The following ENTREP2 variants were observed in gnomAD, a reference collection of about 807,000 sequenced individuals.
The protein encoded by ENTREP2 is endosomal transmembrane epsin interactor 2, also known as protein ENTREP2.
the ENTREP2 span, among the ~76,000 whole-genome samples, chr15:29,642,552 C>T: frequency 6.8e-6 from 1 of 147,124 alleles, no homozygotes; most frequent in Non-Finnish European, 1.5e-5. Flanking sequence ...TACATATATA[C>T]ACATATATAT....
chr15:29,287,398 G>GAAAAAAAAAAAAAAAAAAAAAAAAAAAA, the ENTREP2 span, among the ~76,000 whole-genome samples: 1 of 124,146 alleles, frequency 8.1e-6, no homozygotes, highest in Non-Finnish European at 1.6e-5. Context: ...AAAAAAAAAA[G>GAAAAAAAAAAAAAAAAAAAAAAAAAAAA]AAAAAAAAAA....
At chr15:29,361,340 T>C in the ENTREP2 span, among the ~76,000 whole-genome samples, 6 of 152,214 alleles carry the variant, frequency 3.9e-5, no homozygotes, top group Admixed American at 2.0e-4. Flanking sequence ...GAAAAGGACA[T>C]GCTCTTCAAA....
the ENTREP2 span, among the ~76,000 whole-genome samples, chr15:29,157,018 A>G: frequency 6.6e-6 from 1 of 152,044 alleles, no homozygotes; most frequent in Non-Finnish European, 1.5e-5. Flanking sequence ...AATCGGTTGA[A>G]CCTGGGAGGT....
At chr15:29,299,491 G>T in the ENTREP2 span, among the ~76,000 whole-genome samples, 1 of 152,098 alleles carries the variant, frequency 6.6e-6, no homozygotes, top group African/African-American at 2.4e-5. Flanking sequence ...CCAGGCTCCA[G>T]CATCACAGAC....
At chr15:29,461,981 A>C in the ENTREP2 span, among the ~76,000 whole-genome samples, 1 of 152,068 alleles carries the variant, frequency 6.6e-6, no homozygotes, top group African/African-American at 2.4e-5. Flanking sequence ...TATGTCCCTC[A>C]TATAAAGTGA....
At chr15:29,297,821 C>T in the ENTREP2 span, among the ~76,000 whole-genome samples, 5 of 152,004 alleles carry the variant, frequency 3.3e-5, no homozygotes, top group South Asian at 2.1e-4. Flanking sequence ...TCTTGAACAG[C>T]TAGACTATAA....
the ENTREP2 span, among the ~76,000 whole-genome samples, chr15:29,331,671 C>T: frequency 9.2e-5 from 14 of 152,328 alleles, no homozygotes; most frequent in African/African-American, 3.4e-4. Context: ...CGTTAATCCA[C>T]CAACCAAAAA....
the ENTREP2 span, among the ~76,000 whole-genome samples, chr15:29,484,908 G>T: frequency 6.6e-6 from 1 of 152,150 alleles, no homozygotes; most frequent in African/African-American, 2.4e-5. Flanking sequence ...AACGTTAACT[G>T]GTTATGAATT....
At chr15:29,576,842 C>A in the ENTREP2 span, among the ~76,000 whole-genome samples, 1 of 152,208 alleles carries the variant, frequency 6.6e-6, no homozygotes, top group African/African-American at 2.4e-5. Context: ...GAGTCTCGCT[C>A]TGTCACCCAG....
At chr15:29,293,040 A>G in the ENTREP2 span, among the ~76,000 whole-genome samples, 2 of 152,238 alleles carry the variant, frequency 1.3e-5, no homozygotes, top group Non-Finnish European at 2.9e-5. Context: ...TGTGTCAAAG[A>G]TAATGGCACA....
At chr15:29,519,853 G>A in the ENTREP2 span, among the ~76,000 whole-genome samples, 29 of 152,308 alleles carry the variant, frequency 1.9e-4, no homozygotes, top group Admixed American at 9.8e-4. Flanking sequence ...TGCCTTAATT[G>A]ATGACATTCC....
the ENTREP2 span, among the ~76,000 whole-genome samples, chr15:29,627,707 T>C: frequency 6.6e-6 from 1 of 152,182 alleles, no homozygotes; most frequent in Non-Finnish European, 1.5e-5. Flanking sequence ...CATTTGCCAG[T>C]CCTAGGTGCT....
the ENTREP2 span, among the ~76,000 whole-genome samples, chr15:29,434,169 A>T: frequency 6.6e-6 from 1 of 152,148 alleles, no homozygotes; most frequent in East Asian, 1.9e-4. Flanking sequence ...GGAATTCAGG[A>T]ATTCCTGCAA....
the ENTREP2 span, among the ~76,000 whole-genome samples, chr15:29,641,789 G>A: frequency 7.6e-5 from 11 of 144,886 alleles, no homozygotes; most frequent in African/African-American, 2.1e-4. Context: ...CCAAGATTGC[G>A]CCACTGCACT....
At chr15:29,380,689 CTT>C in the ENTREP2 span, among the ~76,000 whole-genome samples, 4 of 152,136 alleles carry the variant, frequency 2.6e-5, no homozygotes, top group African/African-American at 9.7e-5. Flanking sequence ...TCAAGTAACT[CTT>C]TTTATTTTAC....
chr15:29,591,987 G>A, the ENTREP2 span, among the ~76,000 whole-genome samples: 1 of 152,170 alleles, frequency 6.6e-6, no homozygotes, highest in Admixed American at 6.5e-5. Context: ...AACTAGAAGA[G>A]GAAGGAAGGA....
the ENTREP2 span, among the ~76,000 whole-genome samples, chr15:29,140,663 C>T: frequency 6.6e-6 from 1 of 152,192 alleles, no homozygotes; most frequent in Non-Finnish European, 1.5e-5. Context: ...CCTTCAGGAC[C>T]AGCGGAAATG....
the ENTREP2 span, among the ~76,000 whole-genome samples, chr15:29,186,042 T>C: frequency 1.3e-5 from 2 of 152,196 alleles, no homozygotes; most frequent in African/African-American, 4.8e-5. Flanking sequence ...AGTCTGGTGT[T>C]TGGCCCCCGA....
the ENTREP2 span, among the ~76,000 whole-genome samples, chr15:29,518,948 G>A: frequency 2.6e-5 from 4 of 152,052 alleles, no homozygotes; most frequent in Non-Finnish European, 5.9e-5. Context: ...GCACTACTGC[G>A]ACACAAAAGC....
Sources: gnomAD v4.1 joint callset for allele counts (sites outside exome capture counted in the v4.1 genomes callset) on GRCh38, gnomAD v4.1.1 for gene constraint, MANE v1.5 for transcripts, NCBI Gene and HGNC (gene_info 2026-07-23, HGNC 2026-07-21) for gene names.